Variants in CAV1 observed in about 807,000 individuals in gnomAD.
The protein encoded by CAV1 is caveolin 1.
Under a neutral mutation model 16.5 loss-of-function variants are expected in CAV1, and 10 were observed. The observed-to-expected ratio is 0.61, with a 90% CI of 0.37 to 1.03. The LOEUF (loss-of-function observed/expected upper bound fraction) is 1.03. CAV1 is among the 50% of genes least tolerant of loss of function. The pLI is 0.01. For synonymous variants in CAV1, 76 were observed against 85.1 expected (o/e 0.89, Z 0.59); for missense variants, 212 against 232.8 (o/e 0.91, Z 0.58).
intron 2 of CAV1, among the ~76,000 whole-genome samples, chr7:116,537,632 C>A (rs1479398596): frequency 2.0e-5 from 3 of 152,086 alleles, no homozygotes; most frequent in Non-Finnish European, 4.4e-5. Flanking sequence ...AGTCATGATC[C>A]CAGAAGCCAT....
At chr7:116,551,862 C>G (rs1794171046) in intron 2 of CAV1, 1 of 152,248 alleles carries the variant, frequency 6.6e-6, no homozygotes, top group South Asian at 2.1e-4. Flanking sequence ...TTCAGTTCCT[C>G]TTAGGCTGTC....
At chr7:116,535,291 C>T (rs1260934152) in intron 2 of CAV1, among the ~76,000 whole-genome samples, 1 of 152,174 alleles carries the variant, frequency 6.6e-6, no homozygotes, top group Non-Finnish European at 1.5e-5. Flanking sequence ...TTCTACATTC[C>T]AGGCATGTCA....
At chr7:116,538,658 A>G (rs1793874135) in intron 2 of CAV1, among the ~76,000 whole-genome samples, 1 of 152,206 alleles carries the variant, frequency 6.6e-6, no homozygotes. Flanking sequence ...TAGGAATAAG[A>G]GTCATTCTCA....
At chr7:116,549,808 G>A (rs1200109140) in intron 2 of CAV1, among the ~76,000 whole-genome samples, 1 of 152,122 alleles carries the variant, frequency 6.6e-6, no homozygotes. Context: ...CATGTGCATA[G>A]TACCACTAGG....
At position 116,555,936 on chromosome 7, in the gene CAV1, T is replaced by C. The variant is rs925938261; in HGVS notation, c.196-3010T>C. On this transcript the variant is annotated intron_variant, in intron 2 of 2. Transcript: ENST00000341049. Reference sequence around the variant, plus strand: ...CACCTAATTGGCTGTACTTTTAGTTTTCTTTAAAACTGCCTTAAATTTCAA... The same window carrying C: ...CACCTAATTGGCTGTACTTTTAGTTCTCTTTAAAACTGCCTTAAATTTCAA... Among the ~76,000 whole-genome samples, 4 of 152,226 alleles carry C rather than the reference T, an allele frequency of 2.6e-5. No homozygotes were observed. In the East Asian group the frequency reaches 7.7e-4, roughly 29 times the overall value.
At position 116,536,892 on chromosome 7, in the gene CAV1, A is replaced by T. The variant is rs540545672; in HGVS notation, c.195+10203A>T. Among the ~76,000 whole-genome samples, 21 of 151,124 alleles carry T rather than the reference A, an allele frequency of 1.4e-4. No individual in the cohort carries two copies. The South Asian group carries it at 4.4e-3, about 32-fold the overall frequency. On this transcript the variant is annotated intron_variant, in intron 2 of 2. Transcript: ENST00000341049. ...GTGGCGGGCGCCTGTAGTCCCAGCTACTCGGGAGGCTGAGGCAGGAGAATG... is the reference window on the plus strand; with the variant it reads ...GTGGCGGGCGCCTGTAGTCCCAGCTTCTCGGGAGGCTGAGGCAGGAGAATG...
At chr7:116,546,533 TAA>T (rs536587642) in intron 2 of CAV1, among the ~76,000 whole-genome samples, 2 of 138,216 alleles carry the variant, frequency 1.4e-5, no homozygotes, top group African/African-American at 2.7e-5. Flanking sequence ...CTACTAAAAA[TAA>T]AAAAAAAAAA....
intron 2 of CAV1, among the ~76,000 whole-genome samples, chr7:116,535,857 G>C (rs571486765): frequency 1.2e-4 from 19 of 152,280 alleles, no homozygotes; most frequent in South Asian, 6.2e-4. Context: ...ACCATCATTA[G>C]TTGGGCTGGC....
In CAV1 at chr7:116,561,117, T is replaced by C. The variant is rs969476489; in HGVS notation, c.*1830T>C. On this transcript the variant is annotated 3_prime_UTR_variant, in exon 3 of 3. Transcript: ENST00000341049. ...TATGCTTACTGATATATTTTACAAT[T>C]TTTTATCATGCATGTCCTGTAAAGG... 6 of 152,622 alleles carry C rather than the reference T, an allele frequency of 3.9e-5. No homozygotes were observed. The highest frequency in any genetic ancestry group is 1.4e-4 in the African/African-American group (6 of 41,460). 9.5% of individuals were successfully genotyped at this position (152,622 alleles called of 1,614,324 possible).
rs543589556 is a variant in CAV1, at chr7:116,548,246, T to C, written c.196-10700T>C. 3.3e-5 allele frequency among the ~76,000 whole-genome samples: 5 copies of C among 152,286 alleles called. No individual in the cohort carries two copies. The South Asian group carries it at 8.3e-4, about 25-fold the overall frequency. ...ATCCCCAGAAATTTCTTAAGTATAC[T>C]AATGTATGGGAACCACTGACACTAA... On this transcript the variant is annotated intron_variant, in intron 2 of 2. Transcript: ENST00000341049.
At chr7:116,546,938 G>C (rs974400463) in intron 2 of CAV1, among the ~76,000 whole-genome samples, 7 of 152,122 alleles carry the variant, frequency 4.6e-5, no homozygotes, top group Admixed American at 1.3e-4. Flanking sequence ...TGCTTTTTCT[G>C]AAGCCTATAG....
chr7:116,526,404 A>G, intron 1 of CAV1, 121 bp from the exon 2 acceptor site: 5 of 1,553,426 alleles, frequency 3.2e-6, no homozygotes, highest in Non-Finnish European at 4.3e-6. Flanking sequence ...TTCGATTTCG[A>G]GCTCGAGGTT....
At chr7:116,533,242 G>A (rs1793719698) in intron 2 of CAV1, among the ~76,000 whole-genome samples, 1 of 151,996 alleles carries the variant, frequency 6.6e-6, no homozygotes, top group Non-Finnish European at 1.5e-5. Flanking sequence ...GGAAGCTGAG[G>A]CAGGAGAATG....
At chr7:116,529,380 A>G (rs10267338) in intron 2 of CAV1, among the ~76,000 whole-genome samples, 5,267 of 152,264 alleles carry the variant, frequency 0.035, 304 homozygotes, top group African/African-American at 0.12. Flanking sequence ...TTTAAATTTC[A>G]AGTAATTAAT....
intron 2 of CAV1, among the ~76,000 whole-genome samples, chr7:116,551,642 C>T (rs1322718732): frequency 1.3e-5 from 2 of 152,070 alleles, no homozygotes; most frequent in African/African-American, 2.4e-5. Flanking sequence ...TGTCCAGCTG[C>T]ATAACAAATC....
chr7:116,534,729 T>G (rs1793772609), intron 2 of CAV1, among the ~76,000 whole-genome samples: 1 of 151,922 alleles, frequency 6.6e-6, no homozygotes, highest in African/African-American at 2.4e-5. Context: ...TATCTAGAGG[T>G]GGAGCCTGAG....
At chr7:116,525,247 G>A (rs1369610421) in intron 1 of CAV1, 155 bp downstream of exon 1, 3 of 1,607,178 alleles carry the variant, frequency 1.9e-6, no homozygotes, top group African/African-American at 2.7e-5. Flanking sequence ...AATGGGCCTG[G>A]GCGGGGAGGT....
chr7:116,533,681 T>C (rs910181208), intron 2 of CAV1, among the ~76,000 whole-genome samples: 5 of 152,180 alleles, frequency 3.3e-5, no homozygotes, highest in Non-Finnish European at 7.3e-5. Flanking sequence ...TTGACTTTCT[T>C]TATGCAGATT....
intron 2 of CAV1, among the ~76,000 whole-genome samples, chr7:116,532,911 C>T (rs958064222): frequency 3.3e-5 from 5 of 152,264 alleles, no homozygotes; most frequent in African/African-American, 9.6e-5. Flanking sequence ...AACTGGAAAG[C>T]GTTCTAGTCC....
Sources: gnomAD v4.1 joint callset for allele counts (sites outside exome capture counted in the v4.1 genomes callset) on GRCh38, gnomAD v4.1.1 for gene constraint, MANE v1.5 for transcripts, NCBI Gene and HGNC (gene_info 2026-07-23, HGNC 2026-07-21) for gene names.